ATPAF1: variants seen among roughly 807,000 people sequenced by gnomAD.
The protein encoded by ATPAF1 is homolog of yeast ATP11.
Under a neutral mutation model 43.9 loss-of-function variants are expected in ATPAF1, and 26 were observed. The observed-to-expected ratio is 0.59, with a 90% confidence interval of 0.43 to 0.82. The LOEUF is 0.82. Ranked by LOEUF, ATPAF1 falls within the 40% of genes least tolerant of loss-of-function variation. The probability of loss-of-function intolerance (pLI) is 0.00; values close to 1 mark genes in which losing one functional copy is unlikely to be tolerated. For missense variants in ATPAF1, 366 were observed against 435.0 expected, an observed-to-expected ratio of 0.84 and a Z score of 1.41; for synonymous variants, 157 against 168.0, an observed-to-expected ratio of 0.93 and a Z score of 0.50.
chr1:46,642,460 C>A (rs77346672), intron 8 of ATPAF1, among the ~76,000 whole-genome samples: 3,558 of 152,302 alleles, frequency 0.023, 83 homozygotes, highest in Middle Eastern at 0.068. Context: ...GTAATCACAA[C>A]ACTGCTCCTG....
chr1:46,644,397 A>G (rs1217043799), intron 7 of ATPAF1, among the ~76,000 whole-genome samples: 3 of 152,224 alleles, frequency 2.0e-5, no homozygotes, highest in African/African-American at 4.8e-5. Flanking sequence ...ATGACATAAT[A>G]TATATAAAAC....
intron 6 of ATPAF1, among the ~76,000 whole-genome samples, chr1:46,650,885 T>C (rs647999): frequency 1.3e-5 from 2 of 151,568 alleles, no homozygotes; most frequent in African/African-American, 4.8e-5. Flanking sequence ...ATAGCCAAAG[T>C]TTGGTTAAGG....
At chr1:46,649,559 T>C (rs1324112812) in intron 6 of ATPAF1, among the ~76,000 whole-genome samples, 1 of 152,224 alleles carries the variant, frequency 6.6e-6, no homozygotes, top group East Asian at 1.9e-4. Flanking sequence ...ATCAATTTCT[T>C]AAATGCCTAG....
chr1:46,635,698 C>T, exon 9 of ATPAF1: 1 of 1,403,572 alleles, frequency 7.1e-7, no homozygotes, highest in Non-Finnish European at 9.7e-7. Context: ...ATGCTGAGCT[C>T]TTGAGTTCCT....
chr1:46,639,343 C>A lies in ATPAF1; in HGVS notation c.793-3373G>T, dbSNP rs918976781. On this transcript the variant is annotated intron_variant, in intron 8 of 8. Transcript: ENST00000574428. Reference sequence around the variant, plus strand: ...TCCCTCTGTCGGAAACATTTCTCCCCTTCTTTATTAGGCTAACTCCTGCTG... The same window carrying A: ...TCCCTCTGTCGGAAACATTTCTCCCATTCTTTATTAGGCTAACTCCTGCTG... Among the ~76,000 whole-genome samples the A allele has an allele frequency of 2.6e-5, 4 of 152,288 alleles. 1 individual carries two copies. Among genetic ancestry groups the A allele is most frequent in the Admixed American group, 2.6e-4 (4 of 15,292 alleles).
intron 1 of ATPAF1, 38 bp from the exon 2 acceptor site, chr1:46,665,402 C>A: frequency 6.3e-7 from 1 of 1,582,958 alleles, no homozygotes. Flanking sequence ...CCAACTGGGC[C>A]TTTTTGAATT....
At position 46,653,634 on chromosome 1, in the gene ATPAF1, A is replaced by G. The variant is rs370597926; in HGVS notation, c.540+183T>C. The stretch of plus-strand genomic sequence containing the variant: ...AGTAGAAAGGAGGAAAACAAGAGCC[A>G]TAAATATACCATATGGAGCTTCCAA... On this transcript the variant is annotated intron_variant, in intron 5 of 8. Transcript: ENST00000574428. This position sits in a 1 kb window ranked among gnomAD's most constrained non-coding sequence, Gnocchi z 4.8. 3.9e-5 allele frequency among the ~76,000 whole-genome samples: 6 copies of G among 152,348 alleles called. No homozygotes were observed. The highest frequency in any genetic ancestry group is 1.4e-4 in the African/African-American group (6 of 41,576).
intron 8 of ATPAF1, among the ~76,000 whole-genome samples, chr1:46,639,292 T>C (rs1331848670): frequency 2.0e-5 from 3 of 152,154 alleles, no homozygotes; most frequent in South Asian, 2.1e-4. Context: ...AGTCATTTTA[T>C]GTCTCTCAGC....
Position 46,635,829 on chromosome 1 carries a change from G to A in ATPAF1, c.934C>T (p.Gln312Ter), listed in dbSNP as rs752469814. 6.2e-7 allele frequency: 1 copy of A among 1,614,212 alleles called. No homozygotes were observed. The highest frequency in any genetic ancestry group is 1.1e-5 in the South Asian group (1 of 91,082). ...TTCAGTTCTGCTCCAAGTCCGCTTT[G>A]CTCCAATTCAGCGATGACAGACATA... The change falls in exon 9 of 9, where the codon CAA becomes TAA. Residue 312 changes from glutamine (Q) to a stop codon, truncating the protein, a stop_gained. Transcript: ENST00000574428. LOFTEE classifies it high-confidence loss of function.
At chr1:46,652,063 C>G (rs904140465) in intron 6 of ATPAF1, among the ~76,000 whole-genome samples, 1 of 152,064 alleles carries the variant, frequency 6.6e-6, no homozygotes, top group Admixed American at 6.5e-5. Context: ...GTTACCAATA[C>G]AATGAAATGA....
intron 8 of ATPAF1, chr1:46,636,230 C>T: frequency 1.9e-6 from 1 of 533,232 alleles, no homozygotes; most frequent in Non-Finnish European, 3.4e-6. Flanking sequence ...AGTACAAATT[C>T]CTCAAAGACA....
chr1:46,665,763 T>A (rs1392324748), intron 1 of ATPAF1: 22 of 1,511,684 alleles, frequency 1.5e-5, no homozygotes, highest in Non-Finnish European at 1.9e-5. Flanking sequence ...TTCTTGAAAA[T>A]ATGTCCCCCC....
chr1:46,668,555 TC>T, upstream of ATPAF1: 1 of 401,368 alleles, frequency 2.5e-6, no homozygotes, highest in Non-Finnish European at 3.7e-6. The surrounding 1 kb of genome is among the most constrained non-coding windows in gnomAD (Gnocchi z 4.4). Context: ...GCCCGCCTCC[TC>T]CAGGGAGGCT....
At chr1:46,648,648 G>A (rs1271729555) in intron 6 of ATPAF1, among the ~76,000 whole-genome samples, 1 of 152,086 alleles carries the variant, frequency 6.6e-6, no homozygotes, top group African/African-American at 2.4e-5. Flanking sequence ...CCAAACCCAA[G>A]GTAATTTAGA....
At position 46,653,641 on chromosome 1, in the gene ATPAF1, T is replaced by G. The variant is rs1676210197; in HGVS notation, c.540+176A>C. 6.6e-6 allele frequency among the ~76,000 whole-genome samples: 1 copy of G among 152,126 alleles called. No individual in the cohort carries two copies. The highest frequency in any genetic ancestry group is 2.1e-4 in the South Asian group (1 of 4,830). ...AGGAGGAAAACAAGAGCCATAAATA[T>G]ACCATATGGAGCTTCCAATCTCTGG... On this transcript the variant is annotated intron_variant, in intron 5 of 8. Coordinates refer to ENST00000574428, the Ensembl canonical transcript of ATPAF1. The surrounding 1 kb of genome is among the most constrained non-coding windows in gnomAD (Gnocchi z 4.8).
intron 8 of ATPAF1, among the ~76,000 whole-genome samples, chr1:46,641,961 T>C (rs998755417): frequency 4.6e-5 from 7 of 152,162 alleles, no homozygotes; most frequent in Admixed American, 6.5e-5. Flanking sequence ...ACTTCTCCCA[T>C]GAAGTCCAGG....
intron 8 of ATPAF1, among the ~76,000 whole-genome samples, chr1:46,641,138 T>G (rs1227487211): frequency 6.6e-6 from 1 of 152,126 alleles, no homozygotes; most frequent in Non-Finnish European, 1.5e-5. Context: ...AGTGCAATGG[T>G]GCAATCTCAG....
At position 46,665,584 on chromosome 1, in the gene ATPAF1, AAC is replaced by A. The variant is rs1676475761; in HGVS notation, c.267-222_267-221del. 1.4e-5 allele frequency: 19 copies of A among 1,340,550 alleles called. No homozygotes were observed. The South Asian group carries it at 1.8e-4, about 13-fold the overall frequency. 83.0% of individuals were successfully genotyped at this position (1,340,550 alleles called of 1,614,324 possible). A position where few individuals can be genotyped will look rare whatever the true frequency, so the allele number is the denominator to read the frequency against. ...TTGTTAATCCTCAAGGGGCCTGTGTAACATTTTTCTTTTGCAGGCTGTTCCCT... is the reference window on the plus strand; with the variant it reads ...TTGTTAATCCTCAAGGGGCCTGTGTAATTTTTCTTTTGCAGGCTGTTCCCT... On this transcript the variant is annotated intron_variant, in intron 1 of 8. Transcript: ENST00000574428.
chr1:46,638,451 T>C (rs1417845879), intron 8 of ATPAF1, among the ~76,000 whole-genome samples: 1 of 152,056 alleles, frequency 6.6e-6, no homozygotes, highest in Non-Finnish European at 1.5e-5. Context: ...ACCCCGTCTC[T>C]ACTACAAATA....
Sources: gnomAD v4.1 joint callset for allele counts (sites outside exome capture counted in the v4.1 genomes callset) on GRCh38, gnomAD v4.1.1 for gene constraint, Gnocchi (gnomAD v3.1) non-coding constraint, MANE v1.5 for transcripts, NCBI Gene and HGNC (gene_info 2026-07-23, HGNC 2026-07-21) for gene names.